Variants in ARHGAP12 observed in about 807,000 individuals in gnomAD.
ARHGAP12 encodes Rho GTPase activating protein 12, also known as rho GTPase-activating protein 12.
ARHGAP12 carries 64 observed loss-of-function variants against 108.6 expected under a neutral mutation model. The observed-to-expected ratio is 0.59, with a 90% CI of 0.48 to 0.73. The LOEUF is 0.73. Ranked by LOEUF, ARHGAP12 falls within the 30% of genes least tolerant of loss-of-function variation. The probability of loss-of-function intolerance (pLI) is 0.00; values close to 1 mark genes in which losing one functional copy is unlikely to be tolerated. For missense variants in ARHGAP12, 940 were observed against 1,005.9 expected (o/e 0.93, Z 0.89); for synonymous variants, 312 against 337.2 (o/e 0.93, Z 0.82).
intron 3 of ARHGAP12, among the ~76,000 whole-genome samples, chr10:31,905,382 T>C (rs2132446543): frequency 6.6e-6 from 1 of 152,286 alleles, no homozygotes; most frequent in South Asian, 2.1e-4. Flanking sequence ...AAGCGCACAC[T>C]AAAATTCTTT....
intron 1 of ARHGAP12, among the ~76,000 whole-genome samples, chr10:31,912,376 G>A (rs1029164262): frequency 5.3e-5 from 8 of 152,218 alleles, no homozygotes; most frequent in African/African-American, 1.9e-4. Context: ...TGAGCTGTAC[G>A]GTTTCACACT....
chr10:31,853,606 TAC>T (rs1480140123), intron 5 of ARHGAP12, among the ~76,000 whole-genome samples: 1 of 152,184 alleles, frequency 6.6e-6, no homozygotes, highest in East Asian at 1.9e-4. Flanking sequence ...CCAGATGCAA[TAC>T]ACACATAAAA....
intron 12 of ARHGAP12, 39 bp downstream of exon 12, chr10:31,820,348 C>A (rs766388730): frequency 3.4e-6 from 5 of 1,478,392 alleles, no homozygotes; most frequent in Admixed American, 2.0e-5. Flanking sequence ...CCAATTACTA[C>A]AGTTTAGAAT....
intron 3 of ARHGAP12, among the ~76,000 whole-genome samples, chr10:31,900,470 A>T (rs971727341): frequency 6.6e-6 from 1 of 152,236 alleles, no homozygotes; most frequent in African/African-American, 2.4e-5. Context: ...TTCAATAGAT[A>T]AATGGATAAA....
chr10:31,872,700 C>T (rs1025253555), intron 3 of ARHGAP12, among the ~76,000 whole-genome samples: 3 of 152,098 alleles, frequency 2.0e-5, no homozygotes, highest in Non-Finnish European at 4.4e-5. Flanking sequence ...TATCTGATAT[C>T]GTTACTCATC....
chr10:31,834,245 ATGTT>A (rs1197797917), intron 9 of ARHGAP12, among the ~76,000 whole-genome samples: 1 of 152,188 alleles, frequency 6.6e-6, no homozygotes, highest in Non-Finnish European at 1.5e-5. Context: ...TACAGACTAA[ATGTT>A]TGTGTCCCTC....
chr10:31,889,408 A>T (rs952982214), intron 3 of ARHGAP12, among the ~76,000 whole-genome samples: 1 of 152,166 alleles, frequency 6.6e-6, no homozygotes, highest in African/African-American at 2.4e-5. Flanking sequence ...TGTGCAAAAA[A>T]GTACAACACA....
At chr10:31,854,267 A>T (rs1836805748) in intron 4 of ARHGAP12, 61 bp from the exon 5 acceptor site, 1 of 1,386,436 alleles carries the variant, frequency 7.2e-7, no homozygotes, top group African/African-American at 1.5e-5. Context: ...AATTGGTTGA[A>T]AATCTAATAA....
At chr10:31,883,773 G>C (rs1370809009) in intron 3 of ARHGAP12, among the ~76,000 whole-genome samples, 2 of 150,416 alleles carry the variant, frequency 1.3e-5, no homozygotes, top group East Asian at 3.9e-4. Flanking sequence ...GTTCAGTGGC[G>C]TGATCTCAGC....
intron 13 of ARHGAP12, 140 bp from the exon 14 acceptor site, chr10:31,814,501 TTAGA>T: frequency 1.5e-6 from 1 of 648,700 alleles, no homozygotes; most frequent in East Asian, 2.6e-5. Context: ...TATGTATGAC[TTAGA>T]TATTTGATAA....
chr10:31,917,856 G>A (rs776147836), intron 1 of ARHGAP12, among the ~76,000 whole-genome samples: 1 of 152,168 alleles, frequency 6.6e-6, no homozygotes, highest in African/African-American at 2.4e-5. Flanking sequence ...GAACCTGACA[G>A]ACATTTTTCA....
intron 14 of ARHGAP12, among the ~76,000 whole-genome samples, chr10:31,813,261 C>T (rs1835084552): frequency 6.6e-6 from 1 of 152,014 alleles, no homozygotes; most frequent in African/African-American, 2.4e-5. Context: ...TGGATATACA[C>T]ACAAATATAT....
chr10:31,840,096 T>C (rs748757714), intron 7 of ARHGAP12, among the ~76,000 whole-genome samples: 51 of 152,040 alleles, frequency 3.4e-4, no homozygotes, highest in Non-Finnish European at 6.8e-4. Flanking sequence ...ATGGTAAGTA[T>C]AAATACCCAG....
At chr10:31,869,500 G>A (rs1230219987) in intron 3 of ARHGAP12, among the ~76,000 whole-genome samples, 2 of 151,978 alleles carry the variant, frequency 1.3e-5, no homozygotes, top group Non-Finnish European at 2.9e-5. Context: ...CTACACCACT[G>A]CACTCCAGCC....
chr10:31,852,796 C>A (rs969226015), intron 5 of ARHGAP12, among the ~76,000 whole-genome samples, 199 bp from the exon 6 acceptor site: 1 of 138,590 alleles, frequency 7.2e-6, no homozygotes. Context: ...CGGCTCACCA[C>A]AACCTCCACC....
intron 1 of ARHGAP12, among the ~76,000 whole-genome samples, chr10:31,914,681 A>AT (rs1839483752): frequency 6.6e-6 from 1 of 152,198 alleles, no homozygotes; most frequent in African/African-American, 2.4e-5. Context: ...ACCTTTATAT[A>AT]CTGTTGGTGT....
chr10:31,808,723 A>T lies in ARHGAP12; in HGVS notation c.2292T>A (p.Ala764=). 1 of 1,613,852 alleles carries T rather than the reference A, an allele frequency of 6.2e-7. No individual in the cohort carries two copies. The highest frequency in any genetic ancestry group is 8.5e-7 in the Non-Finnish European group (1 of 1,179,758). Residue 764 remains alanine (A), a synonymous_variant, in exon 19 of 20, where the codon GCT becomes GCA. Coordinates refer to ENST00000344936, the MANE Select transcript of ARHGAP12 (RefSeq NM_018287.7). Reference sequence around the variant, plus strand: ...GCAACTGTCTGATTAGGTCCTTAACAGCAGCGACTCGCTGTCTTGGTTCTT... The same window carrying T: ...GCAACTGTCTGATTAGGTCCTTAACTGCAGCGACTCGCTGTCTTGGTTCTT... ...IKQEPRQRVA[A]VKDLIRQLPK... is the part of the protein sequence containing the mutation.
rs1026660481 is a variant in ARHGAP12, at chr10:31,903,734, TA to T, written c.684+4437del. ...GCAAATGGCTAGTATCTAAACTATG[TA>T]AAAAAAAAAACTCTCAAAATTCAAC... On this transcript the variant is annotated intron_variant, in intron 3 of 19. Transcript: ENST00000344936. Among the ~76,000 whole-genome samples the T allele has an allele frequency of 5.4e-4, 76 of 141,242 alleles. No individual in the cohort carries two copies. In the South Asian group the frequency reaches 7.5e-3, roughly 14 times the overall value. 92.7% of individuals were successfully genotyped at this position (141,242 alleles called of 152,430 possible).
chr10:31,880,544 T>C lies in ARHGAP12; in HGVS notation c.685-18886A>G, dbSNP rs192405365. On this transcript the variant is annotated intron_variant, in intron 3 of 19. Coordinates refer to ENST00000344936, the MANE Select transcript of ARHGAP12 (RefSeq NM_018287.7). Reference sequence around the variant, plus strand: ...AAACAAAAAGAATAAGATTCTACTTTTGAATGCCCTGTCTTGTTATGGTCT... The same window carrying C: ...AAACAAAAAGAATAAGATTCTACTTCTGAATGCCCTGTCTTGTTATGGTCT... Among the ~76,000 whole-genome samples the C allele has an allele frequency of 4.9e-3, 750 of 152,286 alleles. 3 individuals carry two copies. The highest frequency in any genetic ancestry group is 7.3e-3 in the Non-Finnish European group (496 of 68,008).
Sources: gnomAD v4.1 joint callset for allele counts (sites outside exome capture counted in the v4.1 genomes callset) on GRCh38, gnomAD v4.1.1 for gene constraint, MANE v1.5 for transcripts, NCBI Gene and HGNC (gene_info 2026-07-23, HGNC 2026-07-21) for gene names.